The following MEF2A variants were observed in gnomAD, a reference collection of about 807,000 sequenced individuals.
MEF2A encodes the protein myocyte-specific enhancer factor 2A.
In MEF2A, 28 loss-of-function variants were observed where a neutral mutation model predicts 55.8. The ratio of observed to expected loss-of-function variants is 0.50; its 90% confidence interval spans 0.37 to 0.69. The LOEUF (loss-of-function observed/expected upper bound fraction) is 0.69, where lower values mean the gene tolerates loss of function less well. MEF2A is among the 30% of genes least tolerant of loss of function. The pLI is 0.00. For missense variants in MEF2A, 528 were observed against 626.2 expected (o/e 0.84, Z 1.67); for synonymous variants, 239 against 227.1 (o/e 1.05, Z -0.47).
intron 2 of MEF2A, among the ~76,000 whole-genome samples, chr15:99,632,567 G>A (rs1421277224): frequency 1.3e-5 from 2 of 152,086 alleles, no homozygotes; most frequent in African/African-American, 2.4e-5. Context: ...GACCTTGGGC[G>A]TATTGCTTAA....
At chr15:99,668,059 C>CAA (rs138828689) in intron 4 of MEF2A, among the ~76,000 whole-genome samples, 1 of 143,984 alleles carries the variant, frequency 6.9e-6, no homozygotes, top group African/African-American at 2.5e-5. Context: ...TGGCCCAAGT[C>CAA]AAAAAAAAAA....
chr15:99,601,544 G>A (rs1294438852), intron 2 of MEF2A, among the ~76,000 whole-genome samples: 1 of 144,114 alleles, frequency 6.9e-6, no homozygotes, highest in Non-Finnish European at 1.5e-5. Flanking sequence ...TTCACGAGTA[G>A]GTGTTGAATT....
chr15:99,682,073 C>G (rs1295309399), intron 7 of MEF2A, among the ~76,000 whole-genome samples: 1 of 152,222 alleles, frequency 6.6e-6, no homozygotes, highest in Non-Finnish European at 1.5e-5. Context: ...ATCAGTTGGA[C>G]TTCTGAAATG....
At chr15:99,610,968 G>A (rs1014432833) in intron 2 of MEF2A, among the ~76,000 whole-genome samples, 2 of 152,268 alleles carry the variant, frequency 1.3e-5, no homozygotes, top group Non-Finnish European at 2.9e-5. Flanking sequence ...GAGGCCGGGT[G>A]CGTTGGCTCA....
At chr15:99,575,714 G>C (rs887786536) in intron 1 of MEF2A, among the ~76,000 whole-genome samples, 3 of 152,122 alleles carry the variant, frequency 2.0e-5, no homozygotes, top group African/African-American at 7.2e-5. Flanking sequence ...ACTCTTGCCT[G>C]AATCACTTAC....
At chr15:99,700,618 T>C (rs2057280816) in intron 8 of MEF2A, among the ~76,000 whole-genome samples, 2 of 152,176 alleles carry the variant, frequency 1.3e-5, no homozygotes, top group African/African-American at 4.8e-5. Flanking sequence ...ATCCAGTAAC[T>C]GAACATACCT....
At chr15:99,601,129 C>G (rs756966549) in intron 2 of MEF2A, among the ~76,000 whole-genome samples, 5 of 152,132 alleles carry the variant, frequency 3.3e-5, no homozygotes, top group African/African-American at 4.8e-5. Context: ...AAATTCATCT[C>G]TAATTATTTT....
At chr15:99,654,883 T>A (rs1427118925) in intron 4 of MEF2A, among the ~76,000 whole-genome samples, 1 of 152,216 alleles carries the variant, frequency 6.6e-6, no homozygotes, top group Non-Finnish European at 1.5e-5. Flanking sequence ...TTAATCTTTT[T>A]AAATTTTAAT....
intron 2 of MEF2A, among the ~76,000 whole-genome samples, chr15:99,622,398 A>G (rs2153276243): frequency 6.6e-6 from 1 of 152,292 alleles, no homozygotes; most frequent in Non-Finnish European, 1.5e-5. Flanking sequence ...ATTTTGAGTA[A>G]AACTCCTTTA....
At chr15:99,566,684 C>A (rs1461161409) in intron 1 of MEF2A, 1 of 152,394 alleles carries the variant, frequency 6.6e-6, no homozygotes, top group Non-Finnish European at 1.5e-5. Context: ...TGCGGGGGGC[C>A]TTCTGCCCTG....
chr15:99,692,617 A>G (rs1004273691), intron 8 of MEF2A, among the ~76,000 whole-genome samples: 11 of 152,200 alleles, frequency 7.2e-5, no homozygotes, highest in Non-Finnish European at 1.2e-4. Context: ...GGGCCGCAGT[A>G]TAACACAGGG....
chr15:99,709,924 C>T (rs2058435788), intron 10 of MEF2A, among the ~76,000 whole-genome samples: 1 of 152,192 alleles, frequency 6.6e-6, no homozygotes, highest in Non-Finnish European at 1.5e-5. Context: ...TGTCACTGAG[C>T]TTGGCACCCC....
intron 8 of MEF2A, among the ~76,000 whole-genome samples, chr15:99,700,975 TGA>T (rs754161877): frequency 1.3e-5 from 2 of 152,042 alleles, no homozygotes; most frequent in African/African-American, 2.4e-5. Flanking sequence ...GTAGAAAGAA[TGA>T]GAGAGAGTAA....
In MEF2A at chr15:99,577,454, G is replaced by T. The variant is rs1964665077; in HGVS notation, c.-225+11350G>T. Among the ~76,000 whole-genome samples, 2 of 152,150 alleles carry T rather than the reference G, an allele frequency of 1.3e-5. 1 individual carries two copies. Among genetic ancestry groups the T allele is most frequent in the South Asian group, 4.1e-4 (2 of 4,832 alleles). ...GGGGGAGTATGGACATAGACGATTT[G>T]TGCTTGATTTTGATGTGTAATAGAT... is the stretch of plus-strand genomic sequence containing the variant. On this transcript the variant is annotated intron_variant, in intron 1 of 11. Coordinates refer to ENST00000557942, the MANE Select transcript of MEF2A (RefSeq NM_001319206.4).
chr15:99,685,893 C>T (rs1007475127), intron 7 of MEF2A, among the ~76,000 whole-genome samples: 18 of 152,176 alleles, frequency 1.2e-4, no homozygotes, highest in Admixed American at 1.3e-4. Context: ...GGTACTAGTT[C>T]TTCTTTGAAT....
intron 4 of MEF2A, among the ~76,000 whole-genome samples, chr15:99,651,048 C>G (rs2046767464): frequency 6.6e-6 from 1 of 152,170 alleles, no homozygotes; most frequent in African/African-American, 2.4e-5. Context: ...AGAGCAAGCA[C>G]AAACTGTAAT....
In MEF2A at chr15:99,712,908, TGGGTGTGA is replaced by T; in HGVS notation, c.*139_*146del. On this transcript the variant is annotated 3_prime_UTR_variant, in exon 12 of 12. Transcript: ENST00000557942. This position sits in a 1 kb window ranked among gnomAD's most constrained non-coding sequence, Gnocchi z 4.1. ...ATATCCCTTTACATATATATGTATG[TGGGTGTGA>T]GTGTGTATGTGTGGGTGTGTGTTAC... The T allele has an allele frequency of 1.0e-6, 1 of 974,056 alleles. No individual in the cohort carries two copies. Among genetic ancestry groups the T allele is most frequent in the Non-Finnish European group, 1.5e-6 (1 of 688,986 alleles). 60.3% of individuals were successfully genotyped at this position (974,056 alleles called of 1,614,324 possible).
At chr15:99,666,737 GA>G (rs1425500166) in intron 4 of MEF2A, among the ~76,000 whole-genome samples, 1 of 152,076 alleles carries the variant, frequency 6.6e-6, no homozygotes, top group Non-Finnish European at 1.5e-5. Context: ...TTACAACACA[GA>G]AATAGTGTGG....
intron 7 of MEF2A, among the ~76,000 whole-genome samples, chr15:99,686,381 C>G (rs2054221140): frequency 1.3e-5 from 2 of 151,926 alleles, no homozygotes; most frequent in African/African-American, 4.8e-5. Flanking sequence ...AGATTTAGAA[C>G]TCCTTTTAGC....
Sources: gnomAD v4.1 joint callset for allele counts (sites outside exome capture counted in the v4.1 genomes callset) on GRCh38, gnomAD v4.1.1 for gene constraint, Gnocchi (gnomAD v3.1) non-coding constraint, MANE v1.5 for transcripts, NCBI Gene and HGNC (gene_info 2026-07-23, HGNC 2026-07-21) for gene names.